RBFOX3: variants seen among roughly 807,000 people sequenced by gnomAD.
The protein encoded by RBFOX3 is RNA binding protein fox-1 homolog 3.
Under a neutral mutation model 48.7 loss-of-function variants are expected in RBFOX3, and 17 were observed. That is an observed-to-expected ratio of 0.35 (90% CI 0.24 to 0.52). RBFOX3 has a LOEUF of 0.52. RBFOX3 is among the 20% of genes least tolerant of loss of function. The pLI, the probability that RBFOX3 is intolerant of heterozygous loss-of-function variation, is 0.94. For missense variants in RBFOX3, 382 were observed against 497.5 expected (o/e 0.77, Z 2.21); for synonymous variants, 212 against 209.5 (o/e 1.01, Z -0.10).
chr17:79,572,973 G>A (rs922339917), intron 1 of RBFOX3, among the ~76,000 whole-genome samples: 58 of 151,320 alleles, frequency 3.8e-4, no homozygotes, highest in Middle Eastern at 6.8e-3. Flanking sequence ...TATAGGATAA[G>A]TATATCCCAT....
At position 79,199,107 on chromosome 17, in the gene RBFOX3, G is replaced by A. The variant is rs946515388; in HGVS notation, c.-34+36659C>T. 3.3e-5 allele frequency among the ~76,000 whole-genome samples: 5 copies of A among 152,194 alleles called. No homozygotes were observed. The highest frequency in any genetic ancestry group is 5.9e-5 in the Non-Finnish European group (4 of 68,030). The stretch of plus-strand genomic sequence containing the variant: ...ACCCAGAAAACAGTGGGAAGCAAGT[G>A]GGGGCTGTCTCCATGGAGTGAAAGC... On this transcript the variant is annotated intron_variant, in intron 4 of 14. Coordinates refer to ENST00000693108, the MANE Select transcript of RBFOX3 (RefSeq NM_001350451.2). This position sits in a 1 kb window ranked among gnomAD's most constrained non-coding sequence, Gnocchi z 5.1.
At chr17:79,624,813 G>GC in the RBFOX3 span, among the ~76,000 whole-genome samples, 1 of 64,934 alleles carries the variant, frequency 1.5e-5, no homozygotes, top group Admixed American at 1.5e-4. Context: ...AGGCACCCCC[G>GC]CCCCCCACCC....
intron 3 of RBFOX3, among the ~76,000 whole-genome samples, chr17:79,300,456 AT>A (rs1245391890): frequency 1.3e-5 from 2 of 152,218 alleles, no homozygotes; most frequent in African/African-American, 4.8e-5. Context: ...TTTAAAAAAA[AT>A]CTCTTTGATT....
At chr17:79,529,315 C>T (rs945377182) in intron 1 of RBFOX3, among the ~76,000 whole-genome samples, 1 of 152,190 alleles carries the variant, frequency 6.6e-6, no homozygotes, top group South Asian at 2.1e-4. Flanking sequence ...ATCACCCCAC[C>T]GCATCACCTG....
At chr17:79,216,917 C>T (rs943384518) in intron 4 of RBFOX3, among the ~76,000 whole-genome samples, 18 of 152,274 alleles carry the variant, frequency 1.2e-4, no homozygotes, top group African/African-American at 3.6e-4. Flanking sequence ...CAGACCCCAG[C>T]AGCCTTTTTA....
intron 1 of RBFOX3, among the ~76,000 whole-genome samples, chr17:79,556,215 C>A (rs2091744358): frequency 6.6e-6 from 1 of 152,202 alleles, no homozygotes; most frequent in East Asian, 1.9e-4. Context: ...AAGCTGGTCT[C>A]CACTCCTCCC....
rs141500189 is a variant in RBFOX3 at position 79,353,740 on chromosome 17, C to T, written c.-174-45916G>A. Among the ~76,000 whole-genome samples the T allele has an allele frequency of 9.3e-4, 142 of 152,294 alleles. 5 individuals carry two copies. In the East Asian group the frequency reaches 0.023, roughly 25 times the overall value. On this transcript the variant is annotated intron_variant, in intron 2 of 14. Transcript: ENST00000693108. ...TCAGCCAGTCGCGTTTGTGCACCAC[C>T]GAGGCTTAGCCAGGTGTCTGGCTGA...
At chr17:79,284,739 T>C (rs1025345261) in intron 3 of RBFOX3, among the ~76,000 whole-genome samples, 3 of 152,032 alleles carry the variant, frequency 2.0e-5, no homozygotes, top group Non-Finnish European at 2.9e-5. Flanking sequence ...GAGATTTCAC[T>C]ATGTTGTCCA....
chr17:79,145,570 C>T (rs747421627), intron 4 of RBFOX3, among the ~76,000 whole-genome samples: 7 of 152,216 alleles, frequency 4.6e-5, no homozygotes, highest in East Asian at 1.9e-4. Flanking sequence ...GAGGGGGCCC[C>T]GCCCCACCGC....
At chr17:79,288,929 G>C (rs2072631928) in intron 3 of RBFOX3, among the ~76,000 whole-genome samples, 1 of 152,196 alleles carries the variant, frequency 6.6e-6, no homozygotes, top group Non-Finnish European at 1.5e-5. Flanking sequence ...GCTCCTGTTG[G>C]GGACAGAGTT....
chr17:79,605,768 C>G (rs1332595479), intron 1 of RBFOX3, among the ~76,000 whole-genome samples: 3 of 152,238 alleles, frequency 2.0e-5, no homozygotes, highest in African/African-American at 4.8e-5. Flanking sequence ...GTGCTTGGCT[C>G]TTGGTCCTAA....
chr17:79,483,912 G>C (rs1403883747), intron 1 of RBFOX3, among the ~76,000 whole-genome samples: 1 of 152,212 alleles, frequency 6.6e-6, no homozygotes, highest in African/African-American at 2.4e-5. Context: ...GAAGGATTCT[G>C]TTTGTTTAGT....
rs866938701 is a variant in RBFOX3, at chr17:79,287,859, G to A, written c.-74+19865C>T. Among the ~76,000 whole-genome samples the A allele has an allele frequency of 2.2e-4, 34 of 152,334 alleles. 1 individual carries two copies. Among genetic ancestry groups the A allele is most frequent in the African/African-American group, 7.2e-4 (30 of 41,566 alleles). On this transcript the variant is annotated intron_variant, in intron 3 of 14. Transcript: ENST00000693108. ...TCTGGAATGGACGGGCTCATGGGACGTGTGCTCTGACCTGCCCACTGTTTC... is the reference window on the plus strand; with the variant it reads ...TCTGGAATGGACGGGCTCATGGGACATGTGCTCTGACCTGCCCACTGTTTC...
At chr17:79,376,053 G>A (rs568669931) in intron 2 of RBFOX3, among the ~76,000 whole-genome samples, 366 of 152,266 alleles carry the variant, frequency 2.4e-3, no homozygotes, top group Non-Finnish European at 3.6e-3. Context: ...GACGATTCTC[G>A]TCCTGATCAT....
chr17:79,266,649 C>T (rs576004558), intron 3 of RBFOX3, among the ~76,000 whole-genome samples: 50 of 151,960 alleles, frequency 3.3e-4, no homozygotes, highest in Non-Finnish European at 6.6e-4. Flanking sequence ...GGAGCTGGCC[C>T]CAGAGACACC....
intron 3 of RBFOX3, among the ~76,000 whole-genome samples, chr17:79,273,572 GGGGGC>G (rs2068138139): frequency 2.0e-5 from 3 of 149,178 alleles, no homozygotes; most frequent in East Asian, 2.0e-4. Context: ...GTGCTCTGGG[GGGGGC>G]GGGGGCGGGG....
chr17:79,397,317 C>A (rs1031284227), intron 2 of RBFOX3, among the ~76,000 whole-genome samples: 5 of 151,862 alleles, frequency 3.3e-5, no homozygotes, highest in Non-Finnish European at 7.4e-5. Flanking sequence ...CCTGTCTCTC[C>A]TAAAAATAAA....
chr17:79,134,656 C>T (rs2039742706), intron 4 of RBFOX3, among the ~76,000 whole-genome samples: 1 of 152,198 alleles, frequency 6.6e-6, no homozygotes, highest in Admixed American at 6.5e-5. Flanking sequence ...CACAGCTGTC[C>T]CAGGGAGGGG....
At chr17:79,102,867 A>G (rs572440135) in intron 8 of RBFOX3, among the ~76,000 whole-genome samples, 2 of 152,182 alleles carry the variant, frequency 1.3e-5, no homozygotes, top group Non-Finnish European at 2.9e-5. Context: ...CCAAGCCCCA[A>G]ATACAGGATT....
Sources: allele counts gnomAD v4.1 joint callset (sites outside exome capture counted in the v4.1 genomes callset), GRCh38; gene constraint gnomAD v4.1.1; non-coding constraint Gnocchi (gnomAD v3.1); transcripts MANE v1.5; gene names NCBI Gene and HGNC (gene_info 2026-07-23, HGNC 2026-07-21).